The following ZHX2 variants were observed in gnomAD, a reference collection of about 807,000 sequenced individuals.
ZHX2 encodes the protein zinc fingers and homeoboxes 2.
Under a neutral mutation model 21.9 loss-of-function variants are expected in ZHX2, and 6 were observed. The observed-to-expected ratio is 0.27, with a 90% CI of 0.15 to 0.54. ZHX2 has a LOEUF of 0.54. Ranked by LOEUF, ZHX2 falls within the 20% of genes least tolerant of loss-of-function variation. The pLI, the probability that ZHX2 is intolerant of heterozygous loss-of-function variation, is 0.95. For missense variants in ZHX2, 908 were observed against 1,090.7 expected (o/e 0.83, Z 2.36); for synonymous variants, 434 against 437.1 (o/e 0.99, Z 0.09).
intron 2 of ZHX2, among the ~76,000 whole-genome samples, chr8:122,870,859 C>A (rs1319221223): frequency 6.6e-6 from 1 of 152,026 alleles, no homozygotes; most frequent in Non-Finnish European, 1.5e-5. Context: ...AAAGAATGGA[C>A]TGCATGTGAA....
chr8:122,923,237 G>T lies in ZHX2; in HGVS notation c.-219-28055G>T, dbSNP rs140502615. Among the ~76,000 whole-genome samples the T allele has an allele frequency of 4.3e-3, 653 of 152,340 alleles. 5 individuals carry two copies. Among genetic ancestry groups the T allele is most frequent in the African/African-American group, 0.015 (627 of 41,574 alleles). ...CACAGTTCTGTGAGTGAGAAGTTTA[G>T]ACAGACTGTAGCAGTTATGGCTTGT... On this transcript the variant is annotated intron_variant, in intron 2 of 3. Coordinates refer to ENST00000314393, the MANE Select transcript of ZHX2 (RefSeq NM_014943.5).
intron 1 of ZHX2, among the ~76,000 whole-genome samples, chr8:122,806,448 A>G (rs1005090027): frequency 3.3e-5 from 5 of 152,228 alleles, no homozygotes; most frequent in African/African-American, 1.2e-4. Context: ...GTTTGTATGC[A>G]TTACAGAAAA....
At chr8:122,869,072 A>G (rs1215400871) in intron 2 of ZHX2, among the ~76,000 whole-genome samples, 1 of 152,118 alleles carries the variant, frequency 6.6e-6, no homozygotes, top group African/African-American at 2.4e-5. Flanking sequence ...CTGGCCTGCA[A>G]CCTGGTGAGC....
intron 1 of ZHX2, among the ~76,000 whole-genome samples, chr8:122,801,628 A>G (rs1274652712): frequency 6.6e-6 from 1 of 151,510 alleles, no homozygotes; most frequent in Admixed American, 6.6e-5. Flanking sequence ...GCACACACAT[A>G]TGGTCCCAGC....
intron 1 of ZHX2, among the ~76,000 whole-genome samples, chr8:122,785,440 C>T (rs993445827): frequency 5.3e-5 from 8 of 152,080 alleles, no homozygotes; most frequent in African/African-American, 1.2e-4. Context: ...GTGGCTGCTA[C>T]GTCTCTAGGC....
In ZHX2 at chr8:122,795,621, T is replaced by C. The variant is rs555620008; in HGVS notation, c.-283+13675T>C. Among the ~76,000 whole-genome samples the C allele has an allele frequency of 1.8e-3, 274 of 152,216 alleles. 4 individuals are homozygous for C. Among genetic ancestry groups the C allele is most frequent in the African/African-American group, 6.2e-3 (257 of 41,524 alleles). Reference sequence around the variant, plus strand: ...TGGTGGTAGGAAGGCAGGATGTAAATGTGTTAAGTGTCAGCCATTGAACCA... The same window carrying C: ...TGGTGGTAGGAAGGCAGGATGTAAACGTGTTAAGTGTCAGCCATTGAACCA... On this transcript the variant is annotated intron_variant, in intron 1 of 3. Coordinates refer to ENST00000314393, the MANE Select transcript of ZHX2 (RefSeq NM_014943.5).
chr8:122,850,792 A>G (rs1361663099), intron 1 of ZHX2, among the ~76,000 whole-genome samples: 6 of 151,290 alleles, frequency 4.0e-5, no homozygotes, highest in Non-Finnish European at 7.4e-5. Context: ...GCTACTTTTT[A>G]AAAACATGGG....
intron 1 of ZHX2, among the ~76,000 whole-genome samples, chr8:122,796,240 A>G (rs2130554074): frequency 6.6e-6 from 1 of 151,848 alleles, no homozygotes; most frequent in East Asian, 1.9e-4. Context: ...CTTCCCCACT[A>G]GAGTTTAAGA....
intron 1 of ZHX2, among the ~76,000 whole-genome samples, chr8:122,825,947 C>T (rs1022044178): frequency 4.6e-5 from 7 of 152,188 alleles, no homozygotes; most frequent in Admixed American, 3.3e-4. Flanking sequence ...AGTTAACAGA[C>T]AACTCAAGGA....
chr8:122,813,635 G>T (rs144651049), intron 1 of ZHX2, among the ~76,000 whole-genome samples: 1 of 152,238 alleles, frequency 6.6e-6, no homozygotes, highest in African/African-American at 2.4e-5. Flanking sequence ...AACATGGTTG[G>T]GACCAGAAGT....
intron 3 of ZHX2, among the ~76,000 whole-genome samples, chr8:122,957,348 T>C (rs1375622389): frequency 1.3e-5 from 2 of 149,670 alleles, no homozygotes; most frequent in African/African-American, 5.0e-5. Context: ...TTAATTATGG[T>C]AAATGCCCCA....
chr8:122,797,988 C>T (rs1817645492), intron 1 of ZHX2, among the ~76,000 whole-genome samples: 1 of 152,136 alleles, frequency 6.6e-6, no homozygotes, highest in African/African-American at 2.4e-5. Context: ...TCCGGGAGGG[C>T]GTCCCTGTTG....
intron 2 of ZHX2, among the ~76,000 whole-genome samples, chr8:122,878,147 G>A (rs2129756807): frequency 6.6e-6 from 1 of 152,230 alleles, no homozygotes; most frequent in South Asian, 2.1e-4. Context: ...TAGAGGCAAA[G>A]AAAGGAAGGC....
chr8:122,869,512 G>A (rs1445769485), intron 2 of ZHX2, among the ~76,000 whole-genome samples: 1 of 152,088 alleles, frequency 6.6e-6, no homozygotes, highest in Non-Finnish European at 1.5e-5. Context: ...ATGGAGCTGG[G>A]GGACACCGTG....
intron 2 of ZHX2, among the ~76,000 whole-genome samples, chr8:122,896,111 A>G (rs1183045156): frequency 6.6e-6 from 1 of 152,104 alleles, no homozygotes; most frequent in Non-Finnish European, 1.5e-5. Flanking sequence ...TCAGAGGTGG[A>G]GGACTAAAAG....
chr8:122,839,187 C>T (rs1006202956), intron 1 of ZHX2, among the ~76,000 whole-genome samples: 2 of 151,946 alleles, frequency 1.3e-5, no homozygotes, highest in Admixed American at 6.6e-5. Flanking sequence ...TGTGGCATTG[C>T]TCTCTGTGGG....
At chr8:122,831,326 G>A (rs1202153641) in intron 1 of ZHX2, among the ~76,000 whole-genome samples, 1 of 152,210 alleles carries the variant, frequency 6.6e-6, no homozygotes, top group East Asian at 1.9e-4. Flanking sequence ...GTGGCAGATA[G>A]AGCAGGACTG....
Position 122,864,025 on chromosome 8 carries a change from A to C in ZHX2, c.-220+486A>C, listed in dbSNP as rs143539864. On this transcript the variant is annotated intron_variant, in intron 2 of 3. Transcript: ENST00000314393. ...GGTGGGCAGCTGTTGACTCCACCTA[A>C]GGAAACATTCCTAACAGAAGAGCTA... Among the ~76,000 whole-genome samples the C allele has an allele frequency of 3.1e-3, 473 of 152,094 alleles. 2 individuals are homozygous for C. The highest frequency in any genetic ancestry group is 3.8e-3 in the Non-Finnish European group (261 of 67,990).
chr8:122,878,934 C>A (rs1319127854), intron 2 of ZHX2, among the ~76,000 whole-genome samples: 1 of 152,138 alleles, frequency 6.6e-6, no homozygotes, highest in African/African-American at 2.4e-5. Flanking sequence ...GTGTCTTCCA[C>A]CCCACACCTG....
Sources: allele counts gnomAD v4.1 joint callset (sites outside exome capture counted in the v4.1 genomes callset), GRCh38; gene constraint gnomAD v4.1.1; transcripts MANE v1.5; gene names NCBI Gene and HGNC (gene_info 2026-07-23, HGNC 2026-07-21).